Variants in BCAS3 observed in about 807,000 individuals in gnomAD.
BCAS3 encodes BCAS3 microtubule associated cell migration factor, also known as BCAS4/BCAS3 fusion.
In BCAS3, 53 loss-of-function variants were observed where a neutral mutation model predicts 116.1. The ratio of observed to expected loss-of-function variants is 0.46; its 90% CI spans 0.37 to 0.57. The LOEUF (loss-of-function observed/expected upper bound fraction) is 0.57, where lower values mean the gene tolerates loss of function less well. Among genes scored for constraint, BCAS3 ranks in the 20% least tolerant of loss-of-function variants. BCAS3 has a pLI of 0.00. For missense variants in BCAS3, 917 were observed against 1,165.4 expected, an observed-to-expected ratio of 0.79 and a Z score of 3.10; for synonymous variants, 391 against 408.2, an observed-to-expected ratio of 0.96 and a Z score of 0.51.
rs1286232123 is a variant in BCAS3, at chr17:61,136,016, A to G, written c.2425+51452A>G. On this transcript the variant is annotated intron_variant, in intron 22 of 23. Transcript: ENST00000407086. The surrounding 1 kb of genome is among the most constrained non-coding windows in gnomAD (Gnocchi z 4.4). ...TGCTGCTCCTGTTTCCGCTTCTGCC[A>G]TGGCCACCGCCACTGCCGCCGCCTC... The G allele has an allele frequency of 2.5e-5, 4 of 160,470 alleles. No individual in the cohort carries two copies. Among genetic ancestry groups the G allele is most frequent in the Non-Finnish European group, 1.4e-5 (1 of 73,458 alleles). 9.9% of individuals were successfully genotyped at this position (160,470 alleles called of 1,614,324 possible).
At position 61,367,445 on chromosome 17, in the gene BCAS3, A is replaced by G. The variant is rs1216616806; in HGVS notation, c.2426-882A>G. On this transcript the variant is annotated intron_variant, in intron 22 of 23. Coordinates refer to ENST00000407086, the MANE Select transcript of BCAS3 (RefSeq NM_017679.5). This position sits in a 1 kb window ranked among gnomAD's most constrained non-coding sequence, Gnocchi z 6.2. ...CATGTAAGATCTAATCTTAGCGTTC[A>G]GCAGAACACCACAGACGTTTTGGAA... 6.6e-6 allele frequency: 1 copy of G among 152,358 alleles called. No individual in the cohort carries two copies. The highest frequency in any genetic ancestry group is 1.5e-5 in the Non-Finnish European group (1 of 68,044). The allele number at this position is 152,358 out of a possible 1,614,324, so 9.4% of individuals were successfully genotyped here.
Position 61,097,086 on chromosome 17 carries a change from G to T in BCAS3, c.2425+12522G>T, listed in dbSNP as rs544574567. 6.6e-6 allele frequency among the ~76,000 whole-genome samples: 1 copy of T among 152,148 alleles called. No individual in the cohort carries two copies. Among genetic ancestry groups the T allele is most frequent in the East Asian group, 1.9e-4 (1 of 5,182 alleles). ...TGAGTGAGATATTAATAAACACAAA[G>T]AAAACCATACGTAGACATATTATAA... On this transcript the variant is annotated intron_variant, in intron 22 of 23. Transcript: ENST00000407086. The surrounding 1 kb of genome is among the most constrained non-coding windows in gnomAD (Gnocchi z 4.0).
chr17:61,318,264 A>T (rs1368111682), intron 22 of BCAS3, among the ~76,000 whole-genome samples: 1 of 152,252 alleles, frequency 6.6e-6, no homozygotes, highest in Non-Finnish European at 1.5e-5. Context: ...AGGGTTCTAC[A>T]GGTGACGTCC....
intron 9 of BCAS3, among the ~76,000 whole-genome samples, chr17:60,876,155 A>G (rs1168412303): frequency 6.6e-6 from 1 of 152,050 alleles, no homozygotes; most frequent in Non-Finnish European, 1.5e-5. Context: ...ACACAGATAT[A>G]TAGTTATCTT....
At chr17:61,010,092 G>A (rs1003052681) in intron 15 of BCAS3, among the ~76,000 whole-genome samples, 1 of 121,464 alleles carries the variant, frequency 8.2e-6, no homozygotes, top group African/African-American at 3.2e-5. Flanking sequence ...TTTTTTTCCT[G>A]TGGAAGTGAG....
intron 18 of BCAS3, among the ~76,000 whole-genome samples, chr17:61,040,240 C>G (rs1409929553): frequency 6.6e-6 from 1 of 152,170 alleles, no homozygotes; most frequent in East Asian, 1.9e-4. Flanking sequence ...CTGGATTGAT[C>G]TGATCAATAT....
chr17:60,874,802 A>G lies in BCAS3; in HGVS notation c.661+64A>G. Reference sequence around the variant, plus strand: ...TTTATACTACTTACTTGACACAATCAGCAAACTAACTGTAATTTTCTCAAC... The same window carrying G: ...TTTATACTACTTACTTGACACAATCGGCAAACTAACTGTAATTTTCTCAAC... On this transcript the variant is annotated intron_variant, in intron 9 of 23. Coordinates refer to ENST00000407086, the MANE Select transcript of BCAS3 (RefSeq NM_017679.5). 3.0e-6 allele frequency: 3 copies of G among 1,001,318 alleles called. 1 individual carries two copies. The highest frequency in any genetic ancestry group is 4.5e-6 in the Non-Finnish European group (3 of 661,138). The allele number at this position is 1,001,318 out of a possible 1,614,324, so 62.0% of individuals were successfully genotyped here. A position where few individuals can be genotyped will look rare whatever the true frequency, so the allele number is the denominator to read the frequency against.
rs2058706824 is a variant in BCAS3 at position 61,365,964 on chromosome 17, G to A, written c.2426-2363G>A. ...TCAAGACCAGCCTGGCCTACATGGT[G>A]AAACCCCGTCTCTACTAAAAACACA... On this transcript the variant is annotated intron_variant, in intron 22 of 23. Coordinates refer to ENST00000407086, the MANE Select transcript of BCAS3 (RefSeq NM_017679.5). The surrounding 1 kb of genome is among the most constrained non-coding windows in gnomAD (Gnocchi z 4.6). Among the ~76,000 whole-genome samples the A allele has an allele frequency of 6.6e-6, 1 of 151,978 alleles. No homozygotes were observed. Among genetic ancestry groups the A allele is most frequent in the African/African-American group, 2.4e-5 (1 of 41,384 alleles).
chr17:61,008,248 GA>G lies in BCAS3; in HGVS notation c.1487-7502del, dbSNP rs566202940. 1.2e-3 allele frequency among the ~76,000 whole-genome samples: 185 copies of G among 152,126 alleles called. No homozygotes were observed. The highest frequency in any genetic ancestry group is 4.3e-3 in the African/African-American group (178 of 41,516). ...ACATGCCTGAGAAAAGGTCATAAAG[GA>G]GGGTGAAAGTCCTGGAACTGCAGCT... On this transcript the variant is annotated intron_variant, in intron 15 of 23. Coordinates refer to ENST00000407086, the MANE Select transcript of BCAS3 (RefSeq NM_017679.5). The surrounding 1 kb of genome is among the most constrained non-coding windows in gnomAD (Gnocchi z 4.6).
chr17:61,332,617 ATTT>A lies in BCAS3; in HGVS notation c.2426-35703_2426-35701del, dbSNP rs888942897. Among the ~76,000 whole-genome samples, 2 of 151,380 alleles carry A rather than the reference ATTT, an allele frequency of 1.3e-5. No individual in the cohort carries two copies. Among genetic ancestry groups the A allele is most frequent in the South Asian group, 4.2e-4 (2 of 4,754 alleles). On this transcript the variant is annotated intron_variant, in intron 22 of 23. Coordinates refer to ENST00000407086, the MANE Select transcript of BCAS3 (RefSeq NM_017679.5). The surrounding 1 kb of genome is among the most constrained non-coding windows in gnomAD (Gnocchi z 5.4). Reference sequence around the variant, plus strand: ...ATTATTATCCCCATCTTTTATTATTATTTTTTTTTATTTTTTGAGATAGAGTCT... The same window carrying A: ...ATTATTATCCCCATCTTTTATTATTATTTTTTATTTTTTGAGATAGAGTCT...
rs945483512 is a variant in BCAS3, at chr17:61,208,709, G to A, written c.2425+124145G>A. Reference sequence around the variant, plus strand: ...CTCAGACACATTTTGTTCCCAAACAGAATTAGAAGGAAAAGGTCTGCTTAG... The same window carrying A: ...CTCAGACACATTTTGTTCCCAAACAAAATTAGAAGGAAAAGGTCTGCTTAG... On this transcript the variant is annotated intron_variant, in intron 22 of 23. Transcript: ENST00000407086. This position sits in a 1 kb window ranked among gnomAD's most constrained non-coding sequence, Gnocchi z 4.5. Among the ~76,000 whole-genome samples, 2 of 152,130 alleles carry A rather than the reference G, an allele frequency of 1.3e-5. No homozygotes were observed. The highest frequency in any genetic ancestry group is 1.3e-4 in the Admixed American group (2 of 15,270).
chr17:60,687,978 A>G (rs1422741897), intron 3 of BCAS3: 1 of 152,234 alleles, frequency 6.6e-6, no homozygotes, highest in African/African-American at 2.4e-5. Flanking sequence ...CAATACACTG[A>G]AAGACCTTCT....
chr17:60,864,558 A>C (rs779252015), intron 7 of BCAS3, among the ~76,000 whole-genome samples: 1 of 152,242 alleles, frequency 6.6e-6, no homozygotes, highest in African/African-American at 2.4e-5. Context: ...TGTTGTGTTT[A>C]GTTTAGTCTT....
intron 6 of BCAS3, among the ~76,000 whole-genome samples, chr17:60,799,344 C>T (rs1403315777): frequency 6.6e-6 from 1 of 152,058 alleles, no homozygotes; most frequent in Non-Finnish European, 1.5e-5. Context: ...CATTTTATCA[C>T]ATTCACCACC....
Position 61,087,294 on chromosome 17 carries a change from T to C in BCAS3, c.2425+2730T>C, listed in dbSNP as rs2073166522. ...CATTGCCCTGTATTACCTTCAAGCA[T>C]TTTATATGACTTCATGGATTATCTT... is the stretch of plus-strand genomic sequence containing the variant. On this transcript the variant is annotated intron_variant, in intron 22 of 23. Transcript: ENST00000407086. The surrounding 1 kb of genome is among the most constrained non-coding windows in gnomAD (Gnocchi z 4.6). 1.3e-6 allele frequency: 1 copy of C among 762,380 alleles called. No homozygotes were observed. Among genetic ancestry groups the C allele is most frequent in the Non-Finnish European group, 1.6e-6 (1 of 626,682 alleles). The allele number at this position is 762,380 out of a possible 1,614,324, so 47.2% of individuals were successfully genotyped here. A position where few individuals can be genotyped will look rare whatever the true frequency, so the allele number is the denominator to read the frequency against.
chr17:60,689,601 T>C (rs1042602924), intron 3 of BCAS3, 85 bp from the exon 4 acceptor site: 3 of 956,696 alleles, frequency 3.1e-6, no homozygotes, highest in Non-Finnish European at 1.6e-6. Context: ...AGGTATAGTG[T>C]TGGCTTTAAG....
chr17:61,070,303 G>A (rs774652498), intron 19 of BCAS3: 15 of 1,319,716 alleles, frequency 1.1e-5, no homozygotes, highest in Admixed American at 8.7e-5. Flanking sequence ...TCCTGGTTAC[G>A]ATGCTTTGGA....
At chr17:61,107,755 A>C (rs2074764261) in intron 22 of BCAS3, among the ~76,000 whole-genome samples, 1 of 152,100 alleles carries the variant, frequency 6.6e-6, no homozygotes, top group Non-Finnish European at 1.5e-5. Context: ...TTAACTATTC[A>C]CCTATTATAC....
In BCAS3 at chr17:61,276,449, G is replaced by A. The variant is rs1002739975; in HGVS notation, c.2426-91878G>A. Among the ~76,000 whole-genome samples, 6 of 152,170 alleles carry A rather than the reference G, an allele frequency of 3.9e-5. No individual in the cohort carries two copies. Among genetic ancestry groups the A allele is most frequent in the Non-Finnish European group, 8.8e-5 (6 of 68,036 alleles). On this transcript the variant is annotated intron_variant, in intron 22 of 23. Transcript: ENST00000407086. This position sits in a 1 kb window ranked among gnomAD's most constrained non-coding sequence, Gnocchi z 4.2. ...AATTAGGAAAGCTATTTCATTTACA[G>A]TAGCATCAAAAAGAACAAAGTACTC...
Sources: gnomAD v4.1 joint callset for allele counts (sites outside exome capture counted in the v4.1 genomes callset) on GRCh38, gnomAD v4.1.1 for gene constraint, Gnocchi (gnomAD v3.1) non-coding constraint, MANE v1.5 for transcripts, NCBI Gene and HGNC (gene_info 2026-07-23, HGNC 2026-07-21) for gene names.